ABCE1: variants seen among roughly 807,000 people sequenced by gnomAD.
The protein encoded by ABCE1 is ATP-binding cassette sub-family E member 1.
A neutral mutation model predicts 83.4 loss-of-function variants in ABCE1; 22 were observed. The observed-to-expected ratio is 0.26, with a 90% CI of 0.19 to 0.38. ABCE1 has a LOEUF of 0.38. Ranked by LOEUF, ABCE1 falls within the 10% of genes least tolerant of loss-of-function variation. The pLI is 1.00. For missense variants in ABCE1, 330 were observed against 721.9 expected (o/e 0.46, Z 6.22); for synonymous variants, 204 against 233.7 (o/e 0.87, Z 1.16).
intron 3 of ABCE1, 71 bp downstream of exon 3, chr4:145,105,761 G>A: frequency 9.2e-7 from 1 of 1,087,802 alleles, no homozygotes; most frequent in Admixed American, 2.1e-5. Context: ...TGGATACTAT[G>A]CTATAACTAC....
intron 3 of ABCE1, among the ~76,000 whole-genome samples, chr4:145,106,223 T>G (rs533209171): frequency 6.6e-6 from 1 of 151,976 alleles, no homozygotes; most frequent in Non-Finnish European, 1.5e-5. Flanking sequence ...AAAAGAAATT[T>G]AGGAGCTAAT....
intron 1 of ABCE1, among the ~76,000 whole-genome samples, chr4:145,102,112 A>C (rs1286780446): frequency 6.6e-6 from 1 of 152,158 alleles, no homozygotes; most frequent in Non-Finnish European, 1.5e-5. Flanking sequence ...GTTTTTATCT[A>C]GTAGGAAAAG....
Position 145,106,384 on chromosome 4 carries a change from A to C in ABCE1, c.189+694A>C, listed in dbSNP as rs916879687. ...TTGTTTAAGTATCCGGAAAGATTTC[A>C]TGGATACCTGAAACATTTTCACTTG... On this transcript the variant is annotated intron_variant, in intron 3 of 17. Transcript: ENST00000296577. Among the ~76,000 whole-genome samples, 7 of 152,044 alleles carry C rather than the reference A, an allele frequency of 4.6e-5. No individual in the cohort carries two copies. In the South Asian group the frequency reaches 1.0e-3, roughly 22 times the overall value.
chr4:145,107,566 A>G (rs1385360908), intron 3 of ABCE1, among the ~76,000 whole-genome samples: 1 of 152,204 alleles, frequency 6.6e-6, no homozygotes, highest in African/African-American at 2.4e-5. Flanking sequence ...TATACCCAAC[A>G]CTAAAGGGAA....
chr4:145,117,828 T>C (rs2126710268), intron 10 of ABCE1, among the ~76,000 whole-genome samples: 1 of 152,046 alleles, frequency 6.6e-6, no homozygotes, highest in South Asian at 2.1e-4. Flanking sequence ...ATGTATACTA[T>C]GTTTTTGGAA....
intron 10 of ABCE1, among the ~76,000 whole-genome samples, chr4:145,118,004 C>T (rs1332006030): frequency 6.6e-6 from 1 of 151,532 alleles, no homozygotes; most frequent in African/African-American, 2.4e-5. Flanking sequence ...CACTAAGTGG[C>T]TCCTTAAAAA....
intron 1 of ABCE1, among the ~76,000 whole-genome samples, chr4:145,098,754 G>T (rs1748978483): frequency 6.6e-6 from 1 of 152,176 alleles, no homozygotes; most frequent in African/African-American, 2.4e-5. Context: ...GGAGAGGAAG[G>T]CACCTTTAGA....
rs1417651697 is a variant in ABCE1 at position 145,112,314 on chromosome 4, A to G, written c.786A>G (p.Leu262=). 3.2e-6 allele frequency: 5 copies of G among 1,587,098 alleles called. No individual in the cohort carries two copies. Among genetic ancestry groups the G allele is most frequent in the Non-Finnish European group, 4.3e-6 (5 of 1,167,246 alleles). ...AGGCTGCTATTACTATACGATCTCT[A>G]ATAAATCCAGATAGGTAAGTAGAGA... The part of the protein sequence containing the change: ...RLKAAITIRS[L]INPDRYIIVV... Residue 262 remains leucine (L), a synonymous_variant, in exon 9 of 18, where the codon CTA becomes CTG. Transcript: ENST00000296577.
intron 4 of ABCE1, 26 bp downstream of exon 4, chr4:145,108,138 T>A: frequency 1.3e-6 from 2 of 1,589,558 alleles, no homozygotes; most frequent in Non-Finnish European, 1.7e-6. Context: ...AGGATTCCTC[T>A]TCTGTCAAGT....
intron 13 of ABCE1, 193 bp downstream of exon 13, chr4:145,121,584 T>A (rs1579221871): frequency 1.9e-6 from 1 of 520,376 alleles, no homozygotes; most frequent in East Asian, 3.4e-5. Flanking sequence ...AAGATATTTG[T>A]CATCTTTGGC....
At position 145,123,007 on chromosome 4, in the gene ABCE1, T is replaced by C; in HGVS notation, c.1264-14T>C. 2 of 1,501,850 alleles carry C rather than the reference T, an allele frequency of 1.3e-6. No homozygotes were observed. Among genetic ancestry groups the C allele is most frequent in the South Asian group, 1.2e-5 (1 of 80,038 alleles). The allele number at this position is 1,501,850 out of a possible 1,614,324, so 93.0% of individuals were successfully genotyped here. A position where few individuals can be genotyped will look rare whatever the true frequency, so the allele number is the denominator to read the frequency against. ...AAAGTTTATCATTTAAATACTTTTT[T>C]ATATTAAAAACAGGGAAGTGTTCGC... On this transcript the variant is annotated splice_polypyrimidine_tract_variant and intron_variant, in intron 13 of 17. Coordinates refer to ENST00000296577, the MANE Select transcript of ABCE1 (RefSeq NM_002940.3).
At chr4:145,127,171 C>T (rs940529167) in intron 17 of ABCE1, among the ~76,000 whole-genome samples, 3 of 152,076 alleles carry the variant, frequency 2.0e-5, no homozygotes, top group Non-Finnish European at 2.9e-5. Flanking sequence ...CTCAAACTGA[C>T]AGTATGCTGC....
intron 9 of ABCE1, among the ~76,000 whole-genome samples, chr4:145,114,747 A>G (rs1018352210): frequency 6.6e-6 from 1 of 152,022 alleles, no homozygotes; most frequent in Non-Finnish European, 1.5e-5. Context: ...TTTAATTGTA[A>G]TAGGGATAAC....
chr4:145,109,521 TAATGTAAA>T (rs1445723518), intron 5 of ABCE1, among the ~76,000 whole-genome samples: 1 of 152,226 alleles, frequency 6.6e-6, no homozygotes, highest in African/African-American at 2.4e-5. Flanking sequence ...TTTGTCCCAA[TAATGTAAA>T]AATAGCTCAA....
chr4:145,102,389 T>A (rs1430088832), intron 1 of ABCE1, among the ~76,000 whole-genome samples: 1 of 152,156 alleles, frequency 6.6e-6, no homozygotes, highest in Non-Finnish European at 1.5e-5. Flanking sequence ...CTGATAAGAA[T>A]GAGCCAGTGG....
intron 11 of ABCE1, among the ~76,000 whole-genome samples, chr4:145,120,439 T>C (rs1749713418): frequency 6.6e-6 from 1 of 152,136 alleles, no homozygotes; most frequent in African/African-American, 2.4e-5. Context: ...AAGGCAGTTA[T>C]TAATCTTATA....
rs769443237 is a variant in ABCE1, at chr4:145,104,532, A to T, written c.103+17A>T. 2 of 1,495,320 alleles carry T rather than the reference A, an allele frequency of 1.3e-6. No individual in the cohort carries two copies. The highest frequency in any genetic ancestry group is 4.8e-5 in the East Asian group (2 of 41,304). 92.6% of individuals were successfully genotyped at this position (1,495,320 alleles called of 1,614,324 possible). On this transcript the variant is annotated intron_variant, in intron 2 of 17. Transcript: ENST00000296577. Reference sequence around the variant, plus strand: ...TTCGAATGGGTAAGCTGTTCTGTGGATCATTTAAGTATAAAAGAAAACCAT... The same window carrying T: ...TTCGAATGGGTAAGCTGTTCTGTGGTTCATTTAAGTATAAAAGAAAACCAT...
At chr4:145,103,472 T>C (rs916223124) in intron 1 of ABCE1, among the ~76,000 whole-genome samples, 1 of 152,228 alleles carries the variant, frequency 6.6e-6, no homozygotes, top group Non-Finnish European at 1.5e-5. Flanking sequence ...AACTTTGATC[T>C]TAATGCTGTG....
In ABCE1 at chr4:145,104,358, A is replaced by G. The variant is rs772522297; in HGVS notation, c.-27-28A>G. 9 of 1,200,004 alleles carry G rather than the reference A, an allele frequency of 7.5e-6. No individual in the cohort carries two copies. In the Admixed American group the frequency reaches 1.3e-4, roughly 17 times the overall value. The allele number at this position is 1,200,004 out of a possible 1,614,324, so 74.3% of individuals were successfully genotyped here. On this transcript the variant is annotated intron_variant, in intron 1 of 17. Transcript: ENST00000296577. ...CAAATTAGTTCCCTTAACTAATGGC[A>G]TTAAATTTGTTGATTTTTCTTTCAT...
Sources: gnomAD v4.1 joint callset for allele counts (sites outside exome capture counted in the v4.1 genomes callset) on GRCh38, gnomAD v4.1.1 for gene constraint, MANE v1.5 for transcripts, NCBI Gene and HGNC (gene_info 2026-07-23, HGNC 2026-07-21) for gene names.